Variants in CATSPERB observed in about 807,000 individuals in gnomAD.
CATSPERB encodes the protein catsper channel auxiliary subunit beta, also known as cation channel sperm-associated auxiliary subunit beta.
A neutral mutation model predicts 128.3 loss-of-function variants in CATSPERB; 93 were observed. The observed-to-expected ratio is 0.72, with a 90% confidence interval of 0.61 to 0.86. The LOEUF is 0.86. Ranked by LOEUF, CATSPERB falls within the 40% of genes least tolerant of loss-of-function variation. The pLI, the probability that CATSPERB is intolerant of heterozygous loss-of-function variation, is 0.00. For missense variants in CATSPERB, 1,153 were observed against 1,329.5 expected, an observed-to-expected ratio of 0.87 and a Z score of 2.06; for synonymous variants, 381 against 448.8, an observed-to-expected ratio of 0.85 and a Z score of 1.91.
chr14:91,678,805 T>C (rs529282098), intron 11 of CATSPERB, among the ~76,000 whole-genome samples: 3 of 152,324 alleles, frequency 2.0e-5, no homozygotes, highest in Non-Finnish European at 4.4e-5. Flanking sequence ...TCTTTGTTTG[T>C]ATGATTTTTT....
chr14:91,673,821 T>C (rs565194669), intron 12 of CATSPERB, among the ~76,000 whole-genome samples: 272 of 151,694 alleles, frequency 1.8e-3, no homozygotes, highest in African/African-American at 6.2e-3. Flanking sequence ...AGGCAGAGGT[T>C]GCAGTGAGCC....
rs1895123609 is a variant in CATSPERB, at chr14:91,672,902, C to T, written c.1093G>A (p.Glu365Lys). ...AAGAGGTAAACTCCAGTACCACGCT[C>T]TTGGTCAACAAGAAATGTTAGCACA... is the stretch of plus-strand genomic sequence containing the variant. ...PTVLTFLVDQ[E>K]RGTGVYLFYN... Residue 365 changes from glutamate to lysine, a missense_variant, in exon 13 of 27, where the codon GAG becomes AAG. By Grantham distance (56) the Glu-to-Lys change is moderately conservative. Coordinates refer to ENST00000256343, the MANE Select transcript of CATSPERB (RefSeq NM_024764.4). 1 of 1,598,368 alleles carries T rather than the reference C, an allele frequency of 6.3e-7. No individual in the cohort carries two copies. Among genetic ancestry groups the T allele is most frequent in the South Asian group, 1.2e-5 (1 of 86,762 alleles).
chr14:91,622,673 A>G (rs1455827470), intron 18 of CATSPERB, among the ~76,000 whole-genome samples: 1 of 152,156 alleles, frequency 6.6e-6, no homozygotes. Context: ...TTATGCACAC[A>G]TGCTCCAATT....
chr14:91,617,722 CA>C lies in CATSPERB; in HGVS notation c.2274del (p.Glu759LysfsTer5). 1 of 1,597,588 alleles carries C rather than the reference CA, an allele frequency of 6.3e-7. No individual in the cohort carries two copies. Among genetic ancestry groups the C allele is most frequent in the South Asian group, 1.2e-5 (1 of 86,798 alleles). On this transcript the variant is annotated frameshift_variant, in exon 20 of 27. Transcript: ENST00000256343. LOFTEE classifies it high-confidence loss of function. ...VIRNAKGFRM[L>X]EIPLLTVFVG... ...ACAAACACAGTCAGTAGTGGTATTT[CA>C]AGCATTCGAAAACCTATGGAAACAA...
At chr14:91,641,019 CT>C (rs1482927009) in intron 15 of CATSPERB, among the ~76,000 whole-genome samples, 15 of 139,994 alleles carry the variant, frequency 1.1e-4, no homozygotes, top group African/African-American at 4.0e-4. Flanking sequence ...TGTTTTTTGG[CT>C]GCATAAATGT....
intron 15 of CATSPERB, among the ~76,000 whole-genome samples, chr14:91,650,467 G>A (rs1894684959): frequency 6.6e-6 from 1 of 152,100 alleles, no homozygotes; most frequent in Non-Finnish European, 1.5e-5. Context: ...AAATTCTTAG[G>A]TGAAACTAAT....
rs1266872294 is a variant in CATSPERB at position 91,725,186 on chromosome 14, T to A, written c.80-18A>T. The A allele has an allele frequency of 3.1e-6, 4 of 1,270,458 alleles. No homozygotes were observed. Among genetic ancestry groups the A allele is most frequent in the African/African-American group, 3.1e-5 (2 of 64,846 alleles). 78.7% of individuals were successfully genotyped at this position (1,270,458 alleles called of 1,614,324 possible). On this transcript the variant is annotated intron_variant, in intron 2 of 26. Transcript: ENST00000256343. ...TGTATCATCTAAATAATAAAAAAAA[T>A]ACATATATTAGATCACTGATAGAAG...
At chr14:91,715,154 A>G (rs1201339701) in intron 5 of CATSPERB, 1 of 152,102 alleles carries the variant, frequency 6.6e-6, no homozygotes, top group Non-Finnish European at 1.5e-5. Context: ...TTTTATGTGC[A>G]AGTTCTCTAA....
At chr14:91,609,193 A>G (rs1893772656) in intron 21 of CATSPERB, among the ~76,000 whole-genome samples, 1 of 152,144 alleles carries the variant, frequency 6.6e-6, no homozygotes. Flanking sequence ...TGCTTCAAGA[A>G]ATTCACCTTT....
intron 7 of CATSPERB, among the ~76,000 whole-genome samples, chr14:91,694,372 A>G (rs909521220): frequency 7.4e-6 from 1 of 135,728 alleles, no homozygotes; most frequent in Admixed American, 8.2e-5. Context: ...TGAGCTTGGG[A>G]GGTCAAGGCT....
At chr14:91,600,028 G>A (rs1227784755) in intron 22 of CATSPERB, among the ~76,000 whole-genome samples, 1 of 152,186 alleles carries the variant, frequency 6.6e-6, no homozygotes, top group Admixed American at 6.5e-5. Context: ...CCATTCATCA[G>A]TTAATGCGCA....
chr14:91,590,134 T>G (rs1295304456), intron 23 of CATSPERB, among the ~76,000 whole-genome samples: 1 of 152,176 alleles, frequency 6.6e-6, no homozygotes, highest in East Asian at 1.9e-4. Flanking sequence ...TTAAATGAGA[T>G]AAATCACGGA....
rs751749680 is a variant in CATSPERB at position 91,729,384 on chromosome 14, G to A, written c.79+17C>T. ...CTCCTGAGAAGGAAATAGAGAGTAA[G>A]ATGGTCTGAAACTTACCTTTATTAT... is the stretch of plus-strand genomic sequence containing the variant. On this transcript the variant is annotated intron_variant, in intron 2 of 26. Transcript: ENST00000256343. 8.5e-7 allele frequency: 1 copy of A among 1,176,808 alleles called. No individual in the cohort carries two copies. Among genetic ancestry groups the A allele is most frequent in the Non-Finnish European group, 1.2e-6 (1 of 821,058 alleles). 72.9% of individuals were successfully genotyped at this position (1,176,808 alleles called of 1,614,324 possible). A position where few individuals can be genotyped will look rare whatever the true frequency, so the allele number is the denominator to read the frequency against.
intron 7 of CATSPERB, among the ~76,000 whole-genome samples, chr14:91,700,595 A>T (rs573409908): frequency 6.6e-6 from 1 of 152,266 alleles, no homozygotes; most frequent in South Asian, 2.1e-4. Flanking sequence ...GTACTCATCA[A>T]TGGTGGACTG....
chr14:91,589,449 C>A lies in CATSPERB; in HGVS notation c.2956+85G>T, dbSNP rs1306951536. ...AACTCCTGGCTCTCTTTTGTGTGAA[C>A]AGGCTTTGAAAACCATTGATCTTTG... On this transcript the variant is annotated intron_variant, in intron 24 of 26. Transcript: ENST00000256343. 3.0e-6 allele frequency: 4 copies of A among 1,345,232 alleles called. No individual in the cohort carries two copies. In the African/African-American group the frequency reaches 4.4e-5, roughly 15 times the overall value. 83.3% of individuals were successfully genotyped at this position (1,345,232 alleles called of 1,614,324 possible). A position where few individuals can be genotyped will look rare whatever the true frequency, so the allele number is the denominator to read the frequency against.
intron 26 of CATSPERB, among the ~76,000 whole-genome samples, chr14:91,584,385 C>G (rs1044235737): frequency 2.0e-5 from 3 of 152,180 alleles, no homozygotes; most frequent in African/African-American, 7.2e-5. Context: ...AGGGTACTTT[C>G]AAAAGCAGGT....
chr14:91,587,836 A>G, intron 25 of CATSPERB, 142 bp downstream of exon 25: 2 of 629,196 alleles, frequency 3.2e-6, no homozygotes, highest in Non-Finnish European at 5.5e-6. Flanking sequence ...AACCCTCTTC[A>G]TATACTTTAA....
At chr14:91,615,226 G>A (rs1237917328) in intron 20 of CATSPERB, among the ~76,000 whole-genome samples, 4 of 152,092 alleles carry the variant, frequency 2.6e-5, no homozygotes, top group Non-Finnish European at 4.4e-5. Flanking sequence ...CTGTCACATC[G>A]GCGGCAGCAT....
chr14:91,631,017 C>T (rs192756866), intron 17 of CATSPERB, among the ~76,000 whole-genome samples: 532 of 152,340 alleles, frequency 3.5e-3, no homozygotes, highest in Non-Finnish European at 6.0e-3. Context: ...GCCTGGAAAG[C>T]TCTTTCATTG....
Sources: gnomAD v4.1 joint callset for allele counts (sites outside exome capture counted in the v4.1 genomes callset) on GRCh38, gnomAD v4.1.1 for gene constraint, MANE v1.5 for transcripts, NCBI Gene and HGNC (gene_info 2026-07-23, HGNC 2026-07-21) for gene names.